The following PTPRM variants were observed in gnomAD, a reference collection of about 807,000 sequenced individuals.
PTPRM encodes protein tyrosine phosphatase receptor type M.
A neutral mutation model predicts 186.7 loss-of-function variants in PTPRM; 47 were observed. The ratio of observed to expected loss-of-function variants is 0.25; its 90% CI spans 0.20 to 0.32. The LOEUF (loss-of-function observed/expected upper bound fraction) is 0.32. Ranked by LOEUF, PTPRM falls within the 10% of genes least tolerant of loss-of-function variation. The pLI, the probability that PTPRM is intolerant of heterozygous loss-of-function variation, is 1.00. For missense variants in PTPRM, 1,494 were observed against 1,865.0 expected, an observed-to-expected ratio of 0.80 and a Z score of 3.66; for synonymous variants, 668 against 674.9, an observed-to-expected ratio of 0.99 and a Z score of 0.16.
chr18:8,027,529 T>G (rs1368247663), intron 7 of PTPRM, among the ~76,000 whole-genome samples: 1 of 152,224 alleles, frequency 6.6e-6, no homozygotes, highest in Non-Finnish European at 1.5e-5. Flanking sequence ...CTTAATCAGA[T>G]TCTGCCCATT....
intron 7 of PTPRM, among the ~76,000 whole-genome samples, chr18:8,018,287 T>A (rs1197808233): frequency 6.6e-6 from 1 of 152,158 alleles, no homozygotes; most frequent in African/African-American, 2.4e-5. Context: ...AGAGTTCATA[T>A]CTAAACAATA....
chr18:7,843,645 A>G (rs1305774006), intron 2 of PTPRM, among the ~76,000 whole-genome samples: 1 of 152,164 alleles, frequency 6.6e-6, no homozygotes, highest in South Asian at 2.1e-4. Context: ...TTTCATTTTC[A>G]TGTTACACTG....
intron 3 of PTPRM, among the ~76,000 whole-genome samples, chr18:7,901,528 G>A (rs1040481297): frequency 6.6e-6 from 1 of 152,028 alleles, no homozygotes; most frequent in Non-Finnish European, 1.5e-5. Context: ...CAACACGCCC[G>A]GCTAATTTTT....
At chr18:7,949,494 T>C (rs186686711) in intron 6 of PTPRM, 139 bp downstream of exon 6, 21 of 718,732 alleles carry the variant, frequency 2.9e-5, no homozygotes, top group African/African-American at 8.9e-5. Flanking sequence ...TTTTGATGGA[T>C]TGCATTTTAA....
At chr18:8,108,975 A>G (rs1373754005) in intron 11 of PTPRM, among the ~76,000 whole-genome samples, 1 of 152,192 alleles carries the variant, frequency 6.6e-6, no homozygotes, top group Non-Finnish European at 1.5e-5. Context: ...TCAGCTCACT[A>G]AGCTAGAAAT....
At chr18:7,770,915 A>G (rs1442167256) in intron 1 of PTPRM, among the ~76,000 whole-genome samples, 43 of 152,346 alleles carry the variant, frequency 2.8e-4, no homozygotes, top group African/African-American at 9.9e-4. Context: ...ACTGGGAAAT[A>G]TGAAATTCAT....
chr18:7,767,828 C>A (rs902244548), intron 1 of PTPRM, among the ~76,000 whole-genome samples: 1 of 152,126 alleles, frequency 6.6e-6, no homozygotes, highest in South Asian at 2.1e-4. Context: ...TGAACAAGTT[C>A]GTTGATTTTG....
At chr18:8,085,124 A>G (rs2145257795) in intron 9 of PTPRM, among the ~76,000 whole-genome samples, 1 of 152,246 alleles carries the variant, frequency 6.6e-6, no homozygotes, top group South Asian at 2.1e-4. Flanking sequence ...AAGAAAAGAA[A>G]TTAATATGAC....
chr18:7,978,457 A>G (rs1051879424), intron 7 of PTPRM, among the ~76,000 whole-genome samples: 2 of 152,202 alleles, frequency 1.3e-5, no homozygotes, highest in Non-Finnish European at 2.9e-5. Context: ...TTTGACCACT[A>G]AATGGACTCA....
At chr18:8,404,437 A>T (rs1390665259) in intron 32 of PTPRM, 1 of 152,176 alleles carries the variant, frequency 6.6e-6, no homozygotes, top group East Asian at 1.9e-4. Flanking sequence ...TCATGTGTAC[A>T]TGTAGCCGAC....
intron 1 of PTPRM, among the ~76,000 whole-genome samples, chr18:7,602,962 C>G (rs1030746209): frequency 9.4e-5 from 14 of 149,264 alleles, no homozygotes; most frequent in African/African-American, 3.2e-4. Context: ...GAGTCTCACT[C>G]TCTCGCCCAG....
rs758940938 is a variant in PTPRM, at chr18:8,296,474, A to T, written c.2842+19A>T. Reference sequence around the variant, plus strand: ...ATTGCATGTAAGTGTCAACAGTGTCATTGTGCTGTTGTAGAACTTCCTTTT... The same window carrying T: ...ATTGCATGTAAGTGTCAACAGTGTCTTTGTGCTGTTGTAGAACTTCCTTTT... On this transcript the variant is annotated intron_variant, in intron 20 of 32. Transcript: ENST00000580170. 6.4e-6 allele frequency: 10 copies of T among 1,559,050 alleles called. No homozygotes were observed. Among genetic ancestry groups the T allele is most frequent in the East Asian group, 4.5e-5 (2 of 44,612 alleles).
chr18:8,079,294 T>G (rs2089998612), intron 9 of PTPRM, among the ~76,000 whole-genome samples: 1 of 152,174 alleles, frequency 6.6e-6, no homozygotes, highest in Non-Finnish European at 1.5e-5. Context: ...GTCATTTAAT[T>G]TTGTCAATCA....
chr18:7,879,416 A>C lies in PTPRM; in HGVS notation c.197-8690A>C, dbSNP rs76877122. Among the ~76,000 whole-genome samples the C allele has an allele frequency of 3.6e-3, 544 of 152,306 alleles. 3 individuals carry two copies. The highest frequency in any genetic ancestry group is 0.013 in the African/African-American group (527 of 41,574). On this transcript the variant is annotated intron_variant, in intron 2 of 32. Coordinates refer to ENST00000580170, the MANE Select transcript of PTPRM (RefSeq NM_001105244.2). ...GTGCTCAGTGAAAACAACTTAAAAT[A>C]TGATATACAACTAAACTGTGAAGTT...
At chr18:8,293,231 G>A (rs2147856652) in intron 19 of PTPRM, among the ~76,000 whole-genome samples, 1 of 152,312 alleles carries the variant, frequency 6.6e-6, no homozygotes, top group South Asian at 2.1e-4. Flanking sequence ...TTGTTGATTT[G>A]TGTCTGTTTC....
At chr18:7,767,178 C>T (rs2042052160) in intron 1 of PTPRM, among the ~76,000 whole-genome samples, 1 of 152,184 alleles carries the variant, frequency 6.6e-6, no homozygotes, top group East Asian at 1.9e-4. Flanking sequence ...GCTAAATAAA[C>T]AGTCTTAGGT....
chr18:8,321,289 T>G (rs1208177265), intron 22 of PTPRM, among the ~76,000 whole-genome samples: 3 of 152,166 alleles, frequency 2.0e-5, no homozygotes, highest in Non-Finnish European at 4.4e-5. Flanking sequence ...ATTAAGTTGC[T>G]CTTATTTGTA....
chr18:7,602,343 G>A (rs185245161), intron 1 of PTPRM, among the ~76,000 whole-genome samples: 1 of 152,138 alleles, frequency 6.6e-6, no homozygotes, highest in African/African-American at 2.4e-5. Context: ...ATTAAAAGAA[G>A]ACCAGTGAGA....
chr18:7,997,442 A>G lies in PTPRM; in HGVS notation c.1132+42028A>G, dbSNP rs150008121. 3.8e-3 allele frequency among the ~76,000 whole-genome samples: 575 copies of G among 152,310 alleles called. 5 individuals carry two copies. Among genetic ancestry groups the G allele is most frequent in the African/African-American group, 0.013 (549 of 41,590 alleles). On this transcript the variant is annotated intron_variant, in intron 7 of 32. Transcript: ENST00000580170. ...CTATGAAACTGCTTAAAGAAAATGT[A>G]GGAGAATTGATTTGGTACATCATTG...
Sources: allele counts gnomAD v4.1 joint callset (sites outside exome capture counted in the v4.1 genomes callset), GRCh38; gene constraint gnomAD v4.1.1; transcripts MANE v1.5; gene names NCBI Gene and HGNC (gene_info 2026-07-23, HGNC 2026-07-21).